BUD13: variants seen among roughly 807,000 people sequenced by gnomAD.
BUD13 encodes BUD13 homolog.
A neutral mutation model predicts 62.5 loss-of-function variants in BUD13; 47 were observed. That is an observed-to-expected ratio of 0.75 (90% confidence interval 0.60 to 0.96). The LOEUF is 0.96. Ranked by LOEUF, BUD13 falls within the 40% of genes least tolerant of loss-of-function variation. The pLI is 0.00. For synonymous variants in BUD13, 293 were observed against 280.1 expected (o/e 1.05, Z -0.46); for missense variants, 821 against 790.9 (o/e 1.04, Z -0.46).
intron 9 of BUD13, among the ~76,000 whole-genome samples, chr11:116,750,088 G>T (rs777140895): frequency 6.6e-6 from 1 of 152,160 alleles, no homozygotes; most frequent in Non-Finnish European, 1.5e-5. Flanking sequence ...TACTGATTTG[G>T]AAATCATGTA....
chr11:116,759,636 A>G (rs1391061271), intron 5 of BUD13, among the ~76,000 whole-genome samples: 1 of 152,224 alleles, frequency 6.6e-6, no homozygotes, highest in Non-Finnish European at 1.5e-5. Flanking sequence ...ACTTTTTGCT[A>G]ATTTCCACTT....
chr11:116,769,224 C>T (rs139101456), intron 2 of BUD13, among the ~76,000 whole-genome samples: 13 of 152,126 alleles, frequency 8.5e-5, no homozygotes, highest in African/African-American at 2.9e-4. Flanking sequence ...CTTCAAAACT[C>T]AGTATTTACA....
intron 6 of BUD13, among the ~76,000 whole-genome samples, 191 bp downstream of exon 6, chr11:116,758,883 C>T (rs909318938): frequency 3.3e-5 from 5 of 152,066 alleles, no homozygotes; most frequent in Admixed American, 6.5e-5. Context: ...TGAGCCACCG[C>T]GCCTGGGCGA....
At position 116,762,753 on chromosome 11, in the gene BUD13, G is replaced by A. The variant is rs777136645; in HGVS notation, c.836C>T (p.Thr279Ile). ...ACTTTTGGTTCTGGGCAGGGAATAA[G>A]TGACATTAGGAGCCAAATCAGGGGA... ...HDSPDLAPNV[T>I]YSLPRTKSGK... The change falls in exon 4 of 10, where the codon ACT (threonine) becomes ATT (isoleucine). Residue 279 changes from threonine (T) to isoleucine (I), a missense_variant. By Grantham distance (89) the Thr-to-Ile change is moderately conservative. Transcript: ENST00000260210. 1.2e-6 allele frequency: 2 copies of A among 1,614,072 alleles called. No homozygotes were observed. The highest frequency in any genetic ancestry group is 2.7e-5 in the African/African-American group (2 of 74,932).
At chr11:116,758,617 TCA>T (rs1940375120) in intron 6 of BUD13, among the ~76,000 whole-genome samples, 2 of 138,390 alleles carry the variant, frequency 1.4e-5, no homozygotes, top group Non-Finnish European at 1.5e-5. Context: ...AGATGGAGTC[TCA>T]CTCTGTTGCC....
In BUD13 at chr11:116,770,165, T is replaced by C. The variant is rs2134186190; in HGVS notation, c.201A>G (p.Glu67=). 6.2e-7 allele frequency: 1 copy of C among 1,613,606 alleles called. No homozygotes were observed. Among genetic ancestry groups the C allele is most frequent in the Non-Finnish European group, 8.5e-7 (1 of 1,179,772 alleles). ...SWTAISTTKL[E]KEEEEDDGDL... is the part of the protein sequence containing the mutation. ...CTCCATCATCTTCCTCTTCCTCCTT[T>C]TCTAGTTTGGTTGTGGAGATAGCTG... The change falls in exon 2 of 10, where the codon GAA becomes GAG. Residue 67 remains glutamate (E), a synonymous_variant. Coordinates refer to ENST00000260210, the MANE Select transcript of BUD13 (RefSeq NM_032725.4).
intron 9 of BUD13, among the ~76,000 whole-genome samples, chr11:116,750,093 C>T (rs1591294324): frequency 6.6e-6 from 1 of 152,150 alleles, no homozygotes; most frequent in South Asian, 2.1e-4. Context: ...ATTTGGAAAT[C>T]ATGTACATAT....
Position 116,766,855 on chromosome 11 carries a change from G to T in BUD13, c.238-1409C>A, listed in dbSNP as rs547886066. Among the ~76,000 whole-genome samples, 1,060 of 152,288 alleles carry T rather than the reference G, an allele frequency of 7.0e-3. 6 individuals are homozygous for T. The highest frequency in any genetic ancestry group is 9.9e-3 in the Non-Finnish European group (676 of 68,018). ...GAGCAGTGGCACTAAAGCCTCCTTT[G>T]TTTAGGTTTTTGGGCCATCATAAAA... is the stretch of plus-strand genomic sequence containing the variant. On this transcript the variant is annotated intron_variant, in intron 2 of 9. Coordinates refer to ENST00000260210, the MANE Select transcript of BUD13 (RefSeq NM_032725.4).
At chr11:116,761,793 A>G (rs931498659) in intron 4 of BUD13, among the ~76,000 whole-genome samples, 13 of 152,242 alleles carry the variant, frequency 8.5e-5, no homozygotes, top group African/African-American at 3.1e-4. Context: ...GCGACTGTAT[A>G]AGCATCACAA....
Position 116,763,083 on chromosome 11 carries a change from C to A in BUD13, c.506G>T (p.Arg169Leu), listed in dbSNP as rs759334959. 1.3e-6 allele frequency: 2 copies of A among 1,580,712 alleles called. No individual in the cohort carries two copies. Among genetic ancestry groups the A allele is most frequent in the East Asian group, 4.6e-5 (2 of 43,790 alleles). The change falls in exon 4 of 10, where the codon CGT becomes CTT. Residue 169 changes from arginine to leucine, a missense_variant. Arg to Leu is a moderately radical substitution (Grantham distance 102). Around this residue, in one of 2 missense-constraint regions of BUD13, gnomAD observed 800 missense variants for 739.2 expected, o/e 1.08. Transcript: ENST00000260210. Reference protein sequence around the residue: ...TPDPSPLRGARHDSDTSPPRR... With the variant: ...TPDPSPLRGALHDSDTSPPRR... ...GGGAGGAGATGTGTCTGAGTCATGA[C>A]GAGCCCCTCTGAGGGGAGAAGGATC... is the stretch of plus-strand genomic sequence containing the variant.
intron 6 of BUD13, 149 bp downstream of exon 6, chr11:116,758,925 G>T: frequency 1.6e-6 from 1 of 638,798 alleles, no homozygotes; most frequent in South Asian, 2.1e-5. Flanking sequence ...AAGAAGCACT[G>T]GGATTCACTG....
chr11:116,767,502 A>T (rs1286431743), intron 2 of BUD13, among the ~76,000 whole-genome samples: 1 of 146,120 alleles, frequency 6.8e-6, no homozygotes, highest in Non-Finnish European at 1.5e-5. Context: ...CTGAGGCAGG[A>T]GAATGGCGTG....
intron 2 of BUD13, among the ~76,000 whole-genome samples, chr11:116,767,984 T>C (rs1265773157): frequency 4.4e-5 from 2 of 45,696 alleles, no homozygotes; most frequent in African/African-American, 1.3e-4. Context: ...AAAATAATAA[T>C]AATAATAATA....
chr11:116,754,473 C>T (rs761555558), intron 9 of BUD13, among the ~76,000 whole-genome samples: 6 of 152,116 alleles, frequency 3.9e-5, no homozygotes, highest in Admixed American at 6.5e-5. Flanking sequence ...TCCTAAATAA[C>T]CCATGGAGCA....
chr11:116,763,430 T>C (rs970183440), intron 3 of BUD13, among the ~76,000 whole-genome samples, 164 bp from the exon 4 acceptor site: 1 of 152,096 alleles, frequency 6.6e-6, no homozygotes, highest in Non-Finnish European at 1.5e-5. Flanking sequence ...AAACCACCAC[T>C]CATGAATATC....
intron 1 of BUD13, among the ~76,000 whole-genome samples, chr11:116,770,462 T>C (rs1307306845): frequency 6.6e-6 from 1 of 152,082 alleles, no homozygotes; most frequent in Non-Finnish European, 1.5e-5. Context: ...ATGCAGTTCC[T>C]TCCCTCTGCC....
chr11:116,758,272 T>A lies in BUD13; in HGVS notation c.1496A>T (p.Lys499Ile). The A allele has an allele frequency of 6.2e-7, 1 of 1,614,164 alleles. No individual in the cohort carries two copies. The highest frequency in any genetic ancestry group is 8.5e-7 in the Non-Finnish European group (1 of 1,180,018). The stretch of plus-strand genomic sequence containing the variant: ...ACCCTTTCAGTGGTTCCCTTACCCT[T>A]TTCCCCACTGGGCATACAGCTCATC... ...ERDELYAQWGKGLAQSRQQQQ... is the reference protein window; with the variant it reads ...ERDELYAQWGIGLAQSRQQQQ... Residue 499 changes from lysine (K) to isoleucine (I), a missense_variant, in exon 7 of 10, where the codon AAA becomes ATA. Lys to Ile is a moderately radical substitution (Grantham distance 102, BLOSUM62 -3). This residue lies in a region of BUD13 where 800 missense variants were observed against 739.2 expected (regional missense o/e 1.08). Transcript: ENST00000260210.
At chr11:116,757,978 G>A (rs1940361480) in intron 7 of BUD13, 28 bp from the exon 8 acceptor site, 1 of 1,610,494 alleles carries the variant, frequency 6.2e-7, no homozygotes, top group East Asian at 2.2e-5. Context: ...AAGAGTGTTT[G>A]CTATCCTGTA....
chr11:116,764,729 G>A (rs912307876), intron 3 of BUD13, among the ~76,000 whole-genome samples: 2 of 152,126 alleles, frequency 1.3e-5, no homozygotes, highest in Non-Finnish European at 2.9e-5. Flanking sequence ...TGCTAGATAG[G>A]GGAATATCAT....
Sources: gnomAD v4.1 joint callset for allele counts (sites outside exome capture counted in the v4.1 genomes callset) on GRCh38, gnomAD v4.1.1 for gene constraint, gnomAD v4.1.1 regional missense constraint, MANE v1.5 for transcripts, NCBI Gene and HGNC (gene_info 2026-07-23, HGNC 2026-07-21) for gene names.